The following PRKAR2A variants were observed in gnomAD, a reference collection of about 807,000 sequenced individuals.
PRKAR2A encodes the protein cAMP-dependent protein kinase type II-alpha regulatory subunit.
Under a neutral mutation model 51.9 loss-of-function variants are expected in PRKAR2A, and 29 were observed. The ratio of observed to expected loss-of-function variants is 0.56; its 90% confidence interval spans 0.42 to 0.76. PRKAR2A has a LOEUF of 0.76. Among genes scored for constraint, PRKAR2A ranks in the 30% least tolerant of loss-of-function variants. The pLI is 0.00. For synonymous variants in PRKAR2A, 178 were observed against 186.2 expected (o/e 0.96, Z 0.36); for missense variants, 445 against 512.1 (o/e 0.87, Z 1.26).
chr3:48,786,669 T>C (rs992023443), intron 4 of PRKAR2A, among the ~76,000 whole-genome samples: 3 of 151,604 alleles, frequency 2.0e-5, no homozygotes, highest in African/African-American at 7.3e-5. Flanking sequence ...TTAAAAAAGA[T>C]AACTTGGGGG....
intron 1 of PRKAR2A, among the ~76,000 whole-genome samples, chr3:48,836,418 C>CTAAAATAAAAAAAAAAAAAAAAA (rs2083284571): frequency 1.7e-4 from 1 of 6,052 alleles, no homozygotes; most frequent in African/African-American, 9.3e-4. Context: ...GAGACTCCGT[C>CTAAAATAAAAAAAAAAAAAAAAA]TAAAAAAAAA....
At chr3:48,776,731 C>T (rs995178110) in intron 5 of PRKAR2A, among the ~76,000 whole-genome samples, 1 of 151,848 alleles carries the variant, frequency 6.6e-6, no homozygotes. Context: ...ATCCCAGCTA[C>T]TCGGGAGGCT....
At chr3:48,787,616 A>C (rs1468891969) in intron 4 of PRKAR2A, among the ~76,000 whole-genome samples, 2 of 152,242 alleles carry the variant, frequency 1.3e-5, no homozygotes, top group African/African-American at 4.8e-5. Context: ...CAGATAAAGA[A>C]GCAAGCCCCT....
Position 48,780,791 on chromosome 3 carries a change from TGAG to T in PRKAR2A, c.542+2192_542+2194del, listed in dbSNP as rs545253426. Among the ~76,000 whole-genome samples, 33 of 151,978 alleles carry T rather than the reference TGAG, an allele frequency of 2.2e-4. No individual in the cohort carries two copies. The South Asian group carries it at 6.0e-3, about 28-fold the overall frequency. On this transcript the variant is annotated intron_variant, in intron 5 of 10. Transcript: ENST00000265563. ...ATGGAGATTAAAAGAATCTTAAAAA[TGAG>T]GAGAATAATTAGAAAAATTTGAATA...
At chr3:48,791,903 C>CAAAAAAAAAAAAAA (rs1177374619) in intron 3 of PRKAR2A, among the ~76,000 whole-genome samples, 1 of 41,882 alleles carries the variant, frequency 2.4e-5, no homozygotes, top group Non-Finnish European at 3.8e-5. Context: ...AACTCTGTCT[C>CAAAAAAAAAAAAAA]AAAAAAAAAA....
At chr3:48,842,866 T>C (rs2083401890) in intron 1 of PRKAR2A, among the ~76,000 whole-genome samples, 1 of 152,244 alleles carries the variant, frequency 6.6e-6, no homozygotes. Flanking sequence ...GATATTGGTC[T>C]AAAACTCTCT....
chr3:48,788,811 G>C (rs2082336124), intron 4 of PRKAR2A, among the ~76,000 whole-genome samples: 1 of 152,080 alleles, frequency 6.6e-6, no homozygotes, highest in South Asian at 2.1e-4. Flanking sequence ...CCAGACTCCA[G>C]AACTGTGAGA....
chr3:48,773,256 A>C (rs1014983689), intron 5 of PRKAR2A, 148 bp from the exon 6 acceptor site: 6 of 626,964 alleles, frequency 9.6e-6, no homozygotes, highest in African/African-American at 3.7e-5. Flanking sequence ...TTGTATTTTG[A>C]CTTTGTACTG....
At chr3:48,846,512 C>G (rs1478163608) in intron 1 of PRKAR2A, among the ~76,000 whole-genome samples, 2 of 152,312 alleles carry the variant, frequency 1.3e-5, no homozygotes, top group South Asian at 4.1e-4. Context: ...CCACCACGCC[C>G]GGCCAGGTTT....
In PRKAR2A at chr3:48,765,808, A is replaced by T. The variant is rs181899560; in HGVS notation, c.697-459T>A. On this transcript the variant is annotated intron_variant, in intron 6 of 10. Transcript: ENST00000265563. ...ATTTAATCCTTAGAATCCAGGATTT[A>T]AAAAAACTTAAAAAATCCAAAACAA... is the stretch of plus-strand genomic sequence containing the variant. Among the ~76,000 whole-genome samples the T allele has an allele frequency of 6.0e-5, 9 of 151,204 alleles. No homozygotes were observed. The East Asian group carries it at 1.6e-3, about 26-fold the overall frequency.
At chr3:48,776,390 TATCTATA>T (rs1287385298) in intron 5 of PRKAR2A, among the ~76,000 whole-genome samples, 4 of 152,150 alleles carry the variant, frequency 2.6e-5, no homozygotes, top group Non-Finnish European at 5.9e-5. Context: ...CACCAGGTAA[TATCTATA>T]ATAGTAAAAA....
intron 9 of PRKAR2A, among the ~76,000 whole-genome samples, chr3:48,755,728 C>T (rs559194464): frequency 6.6e-6 from 1 of 150,972 alleles, no homozygotes; most frequent in Admixed American, 6.6e-5. Context: ...TTGCCTAGGC[C>T]TCCAAAGTGC....
intron 5 of PRKAR2A, among the ~76,000 whole-genome samples, chr3:48,774,440 G>T (rs540489217): frequency 1.3e-5 from 2 of 152,062 alleles, no homozygotes; most frequent in African/African-American, 4.8e-5. Flanking sequence ...AAACTGGGAG[G>T]GTTGCTTGAG....
intron 5 of PRKAR2A, among the ~76,000 whole-genome samples, chr3:48,780,853 G>A (rs901125894): frequency 1.2e-4 from 18 of 152,244 alleles, no homozygotes; most frequent in Admixed American, 1.0e-3. Context: ...TTGTATAAAT[G>A]TTAATTTGTG....
chr3:48,826,584 C>T (rs190053324), intron 1 of PRKAR2A, among the ~76,000 whole-genome samples: 1 of 152,096 alleles, frequency 6.6e-6, no homozygotes, highest in Non-Finnish European at 1.5e-5. Flanking sequence ...TAAACTCAAC[C>T]TCCAGCCCCC....
At chr3:48,794,960 T>C (rs746622114) in intron 2 of PRKAR2A, among the ~76,000 whole-genome samples, 9 of 151,744 alleles carry the variant, frequency 5.9e-5, no homozygotes, top group African/African-American at 9.7e-5. Flanking sequence ...GGGAAAGGAA[T>C]GAAACTTCTC....
chr3:48,826,228 T>C (rs2083061364), intron 1 of PRKAR2A, among the ~76,000 whole-genome samples: 2 of 152,202 alleles, frequency 1.3e-5, no homozygotes, highest in South Asian at 4.1e-4. Context: ...ATCGCACCAC[T>C]GCATTCCAGC....
intron 1 of PRKAR2A, among the ~76,000 whole-genome samples, chr3:48,829,872 T>TATATATATATA (rs1491401730): frequency 6.2e-3 from 370 of 59,634 alleles, no homozygotes; most frequent in South Asian, 8.6e-3. Context: ...TATATATATA[T>TATATATATATA]TTTTTTTTTT....
At chr3:48,801,354 T>C (rs562990897) in intron 2 of PRKAR2A, among the ~76,000 whole-genome samples, 1 of 152,204 alleles carries the variant, frequency 6.6e-6, no homozygotes, top group African/African-American at 2.4e-5. Flanking sequence ...AGCTTCACCA[T>C]GTTGGCCAGG....
Sources: gnomAD v4.1 joint callset for allele counts (sites outside exome capture counted in the v4.1 genomes callset) on GRCh38, gnomAD v4.1.1 for gene constraint, MANE v1.5 for transcripts, NCBI Gene and HGNC (gene_info 2026-07-23, HGNC 2026-07-21) for gene names.